Variants in LPA observed in about 807,000 individuals in gnomAD.
LPA encodes lipoprotein(a), also known as apolipoprotein(a).
LPA carries 199 observed loss-of-function variants against 197.9 expected under a neutral mutation model. The ratio of observed to expected loss-of-function variants is 1.01; its 90% confidence interval spans 0.90 to 1.13. The LOEUF (loss-of-function observed/expected upper bound fraction) is 1.13, where lower values mean the gene tolerates loss of function less well. Among genes scored for constraint, LPA ranks in the 50% most tolerant of loss-of-function variants. The pLI, the probability that LPA is intolerant of heterozygous loss-of-function variation, is 0.00. For missense variants in LPA, 1,853 were observed against 1,785.8 expected (o/e 1.04, Z -0.68); for synonymous variants, 715 against 639.5 (o/e 1.12, Z -1.78).
intron 28 of LPA, among the ~76,000 whole-genome samples, chr6:160,569,761 AC>A (rs1327700595): frequency 2.0e-5 from 3 of 152,222 alleles, no homozygotes; most frequent in Non-Finnish European, 2.9e-5. Flanking sequence ...TCCAGAATCT[AC>A]AAAGAACATA....
chr6:160,651,814 G>A (rs1293200275), intron 1 of LPA, among the ~76,000 whole-genome samples: 1 of 152,024 alleles, frequency 6.6e-6, no homozygotes, highest in African/African-American at 2.4e-5. Flanking sequence ...ATGGATAGGG[G>A]GAGAATTTCA....
rs138658740 is a variant in LPA, at chr6:160,595,303, C to G, written c.3469+51G>C. 531 of 1,605,546 alleles carry G rather than the reference C, an allele frequency of 3.3e-4. 3 individuals are homozygous for G. The African/African-American group carries it at 6.1e-3, about 18-fold the overall frequency. ...TCTATATCACTAAGATTTTGCAACT[C>G]TTTTCATCCCAACGTCCTAGGGTGT... On this transcript the variant is annotated intron_variant, in intron 21 of 38. Transcript: ENST00000316300.
At chr6:160,557,258 G>T in intron 29 of LPA, 132 bp downstream of exon 29, 2 of 1,112,048 alleles carry the variant, frequency 1.8e-6, no homozygotes, top group Non-Finnish European at 1.3e-6. Context: ...CAGAGAGAGT[G>T]CTGAGGCTTC....
chr6:160,589,554 C>A lies in LPA; in HGVS notation c.3946G>T (p.Gly1316Cys). 1 of 1,613,516 alleles carries A rather than the reference C, an allele frequency of 6.2e-7. No homozygotes were observed. Among genetic ancestry groups the A allele is most frequent in the Non-Finnish European group, 8.5e-7 (1 of 1,179,768 alleles). The change falls in exon 24 of 39, where the codon GGT becomes TGT. Residue 1316 changes from glycine to cysteine, a missense_variant and splice_region_variant. Physicochemically the swap from Gly to Cys is radical, Grantham distance 159 (BLOSUM62 -3). Coordinates refer to ENST00000316300, the MANE Select transcript of LPA (RefSeq NM_005577.4). ...HQRTTEYYPN[G>C]GLTRNYCRNP... is the part of the protein sequence containing the mutation. ...TTGGGAGAAAACTCAAAGACATACC[C>A]ATTTGGGTAGTATTCTGTGGTTCTC...
intron 1 of LPA, among the ~76,000 whole-genome samples, chr6:160,654,001 TATAATATATATTATATATAA>T (rs1780065137): frequency 6.5e-4 from 12 of 18,416 alleles, no homozygotes; most frequent in African/African-American, 3.2e-3. Flanking sequence ...ATATATTATA[TATAATATATATTATATATAA>T]TATATAATAT....
rs34688214 is a variant in LPA at position 160,551,997 on chromosome 6, T to TAG, written c.4974-3340_4974-3339dup. The stretch of plus-strand genomic sequence containing the variant: ...GGCATGATCAATGCTCACTCATGGC[T>TAG]AGACCTCCTGAGTCAAGCAATCCTC... On this transcript the variant is annotated intron_variant, in intron 30 of 38. Transcript: ENST00000316300. Among the ~76,000 whole-genome samples, 1,138 of 151,712 alleles carry TAG rather than the reference T, an allele frequency of 7.5e-3. 14 individuals carry two copies. The highest frequency in any genetic ancestry group is 0.026 in the African/African-American group (1,095 of 41,352).
chr6:160,648,336 T>C (rs951705819), intron 2 of LPA, among the ~76,000 whole-genome samples: 1 of 152,180 alleles, frequency 6.6e-6, no homozygotes, highest in African/African-American at 2.4e-5. Flanking sequence ...ATAATTGTCA[T>C]TTTAGAAATT....
chr6:160,653,966 TTATATATAATATATAATATATAA>T lies in LPA; in HGVS notation c.50-3492_50-3470del, dbSNP rs1562354364. ...TTATATATATTATATATAATATATA[TTATATATAATATATAATATATAA>T]TATATATTATATATAATATATATTA... On this transcript the variant is annotated intron_variant, in intron 1 of 38. Coordinates refer to ENST00000316300, the MANE Select transcript of LPA (RefSeq NM_005577.4). Among the ~76,000 whole-genome samples, 28 of 28,140 alleles carry T rather than the reference TTATATATAATATATAATATATAA, an allele frequency of 1.0e-3. 4 individuals carry two copies. Among genetic ancestry groups the T allele is most frequent in the African/African-American group, 3.7e-3 (24 of 6,408 alleles). 18.5% of individuals were successfully genotyped at this position (28,140 alleles called of 152,430 possible). A position where few individuals can be genotyped will look rare whatever the true frequency, so the allele number is the denominator to read the frequency against.
chr6:160,536,418 A>C (rs1029296043), intron 37 of LPA, among the ~76,000 whole-genome samples: 2 of 152,226 alleles, frequency 1.3e-5, no homozygotes, highest in Non-Finnish European at 2.9e-5. Context: ...TGGAGTGCTT[A>C]GGATGTGCTC....
chr6:160,565,268 C>A (rs576360022), intron 28 of LPA, among the ~76,000 whole-genome samples: 1 of 152,330 alleles, frequency 6.6e-6, no homozygotes, highest in African/African-American at 2.4e-5. Flanking sequence ...TGGGGGACAC[C>A]TCCCAGTAGG....
chr6:160,541,208 G>C, intron 34 of LPA, 27 bp from the exon 35 acceptor site: 1 of 1,517,484 alleles, frequency 6.6e-7, no homozygotes, highest in Non-Finnish European at 9.2e-7. Flanking sequence ...CCAAGGCTTT[G>C]GTCAAATTGG....
chr6:160,573,687 G>A (rs1778603423), intron 28 of LPA, among the ~76,000 whole-genome samples: 1 of 152,122 alleles, frequency 6.6e-6, no homozygotes, highest in South Asian at 2.1e-4. Flanking sequence ...AGTGATTATT[G>A]CCTGTCTTCT....
intron 16 of LPA, among the ~76,000 whole-genome samples, chr6:160,607,248 G>T (rs149625786): frequency 6.6e-6 from 1 of 151,996 alleles, no homozygotes; most frequent in African/African-American, 2.4e-5. Flanking sequence ...ATTACTTTCT[G>T]TCATTCCCAT....
intron 2 of LPA, among the ~76,000 whole-genome samples, chr6:160,648,180 T>C (rs1321409752): frequency 6.6e-6 from 1 of 152,206 alleles, no homozygotes; most frequent in Non-Finnish European, 1.5e-5. Context: ...GGTTGCAGTG[T>C]TTCTGATGGG....
intron 1 of LPA, among the ~76,000 whole-genome samples, chr6:160,651,721 C>T (rs1347674030): frequency 1.3e-5 from 2 of 152,050 alleles, no homozygotes; most frequent in Non-Finnish European, 2.9e-5. Flanking sequence ...AGAAAAGACA[C>T]CATCTGGAAA....
At chr6:160,611,468 A>G (rs1779516584) in intron 16 of LPA, 94 bp downstream of exon 16, 1 of 1,556,578 alleles carries the variant, frequency 6.4e-7, no homozygotes, top group Non-Finnish European at 8.8e-7. Context: ...ATCTGACACA[A>G]GTTGAGTTCG....
chr6:160,561,283 A>G (rs1386546886), intron 28 of LPA, among the ~76,000 whole-genome samples: 1 of 152,200 alleles, frequency 6.6e-6, no homozygotes, highest in Non-Finnish European at 1.5e-5. Flanking sequence ...TTTTCTGCAT[A>G]TGGCTAGCCA....
chr6:160,594,457 C>G (rs1432358653), intron 21 of LPA, among the ~76,000 whole-genome samples: 1 of 152,176 alleles, frequency 6.6e-6, no homozygotes, highest in Non-Finnish European at 1.5e-5. Context: ...ATGCATCAGG[C>G]TGTGCAGGTT....
At chr6:160,589,446 T>C in intron 24 of LPA, 107 bp downstream of exon 24, 1 of 1,317,412 alleles carries the variant, frequency 7.6e-7, no homozygotes, top group Non-Finnish European at 1.1e-6. Context: ...TCCAACATTC[T>C]GGGTCTGAGA....
Sources: allele counts gnomAD v4.1 joint callset (sites outside exome capture counted in the v4.1 genomes callset), GRCh38; gene constraint gnomAD v4.1.1; transcripts MANE v1.5; gene names NCBI Gene and HGNC (gene_info 2026-07-23, HGNC 2026-07-21).